CTNNBIP1: variants seen among roughly 807,000 people sequenced by gnomAD.
CTNNBIP1 encodes the protein beta-catenin-interacting protein 1.
In CTNNBIP1, 7 loss-of-function variants were observed where a neutral mutation model predicts 11.8. That is an observed-to-expected ratio of 0.60 (90% confidence interval 0.34 to 1.12). CTNNBIP1 has a LOEUF of 1.12. Ranked by LOEUF, CTNNBIP1 falls within the 50% of genes most tolerant of loss-of-function variation. The pLI, the probability that CTNNBIP1 is intolerant of heterozygous loss-of-function variation, is 0.03. For synonymous variants in CTNNBIP1, 58 were observed against 43.9 expected, an observed-to-expected ratio of 1.32 and a Z score of -1.26; for missense variants, 101 against 113.4, an observed-to-expected ratio of 0.89 and a Z score of 0.50.
chr1:9,899,753 G>A (rs371670389), intron 1 of CTNNBIP1, among the ~76,000 whole-genome samples: 35 of 147,670 alleles, frequency 2.4e-4, no homozygotes, highest in South Asian at 8.5e-4. Flanking sequence ...GCAAGGCTCC[G>A]TCTCAAAAAA....
At chr1:9,905,722 G>A (rs1004939460) in intron 1 of CTNNBIP1, among the ~76,000 whole-genome samples, 5 of 150,562 alleles carry the variant, frequency 3.3e-5, no homozygotes, top group Non-Finnish European at 5.9e-5. Flanking sequence ...GAACCACCGC[G>A]CCCGGCCTCA....
At chr1:9,908,087 T>C (rs1238298988) in intron 1 of CTNNBIP1, among the ~76,000 whole-genome samples, 2 of 152,164 alleles carry the variant, frequency 1.3e-5, no homozygotes, top group African/African-American at 4.8e-5. Context: ...AAGACGGAGT[T>C]TTGCTCTGTT....
In CTNNBIP1 at chr1:9,872,325, C is replaced by T. The variant is rs556471572; in HGVS notation, c.-24-237G>A. ...GGCGCTGCAAGGGCTGGCCTGCCTG[C>T]TGCCTCTGTGCATGAAGCTGCTGCG... On this transcript the variant is annotated intron_variant, in intron 3 of 5. Transcript: ENST00000377263. This position sits in a 1 kb window ranked among gnomAD's most constrained non-coding sequence, Gnocchi z 4.0. Among the ~76,000 whole-genome samples, 1 of 152,358 alleles carries T rather than the reference C, an allele frequency of 6.6e-6. No individual in the cohort carries two copies. The highest frequency in any genetic ancestry group is 1.9e-4 in the East Asian group (1 of 5,176).
intron 1 of CTNNBIP1, among the ~76,000 whole-genome samples, chr1:9,890,527 A>G (rs1312835774): frequency 6.6e-6 from 1 of 152,214 alleles, no homozygotes; most frequent in Non-Finnish European, 1.5e-5. Context: ...TACAAAATCC[A>G]GCCACGGATC....
At chr1:9,876,681 T>C (rs1638974027) in intron 3 of CTNNBIP1, among the ~76,000 whole-genome samples, 1 of 152,008 alleles carries the variant, frequency 6.6e-6, no homozygotes, top group Non-Finnish European at 1.5e-5. Flanking sequence ...AAATGAATGG[T>C]GAAGGGACAG....
intron 1 of CTNNBIP1, among the ~76,000 whole-genome samples, chr1:9,890,329 G>A (rs1487220344): frequency 2.6e-5 from 4 of 152,204 alleles, no homozygotes; most frequent in Non-Finnish European, 5.9e-5. Context: ...AGGCTCTACT[G>A]TTCTAACCAA....
intron 3 of CTNNBIP1, among the ~76,000 whole-genome samples, chr1:9,873,961 A>T (rs532667843): frequency 6.6e-6 from 1 of 151,834 alleles, no homozygotes; most frequent in South Asian, 2.1e-4. Context: ...CTGGTCTCAA[A>T]CTCCTGGGCT....
chr1:9,891,324 A>C (rs186225540), intron 1 of CTNNBIP1, among the ~76,000 whole-genome samples: 6 of 152,214 alleles, frequency 3.9e-5, no homozygotes, highest in Admixed American at 2.0e-4. Context: ...AGATCTTCTC[A>C]ACAGGCACCT....
chr1:9,852,094 G>C (rs1383118493), intron 5 of CTNNBIP1, among the ~76,000 whole-genome samples: 1 of 152,188 alleles, frequency 6.6e-6, no homozygotes, highest in Non-Finnish European at 1.5e-5. Flanking sequence ...CCGAGGGTGG[G>C]CCAGTGTGGG....
chr1:9,864,977 C>T (rs1638713233), intron 5 of CTNNBIP1, among the ~76,000 whole-genome samples: 1 of 152,098 alleles, frequency 6.6e-6, no homozygotes, highest in African/African-American at 2.4e-5. Flanking sequence ...GCCTATAATC[C>T]CAGCACCTTG....
chr1:9,899,613 G>T (rs1049261600), intron 1 of CTNNBIP1, among the ~76,000 whole-genome samples: 1 of 151,472 alleles, frequency 6.6e-6, no homozygotes, highest in African/African-American at 2.4e-5. Context: ...CAAAAAATTA[G>T]CCGGGCATGG....
At chr1:9,885,034 C>G (rs1348227415) in intron 1 of CTNNBIP1, among the ~76,000 whole-genome samples, 1 of 152,120 alleles carries the variant, frequency 6.6e-6, no homozygotes, top group Admixed American at 6.5e-5. Flanking sequence ...AGCAGGACCA[C>G]CTGACTGTTG....
intron 5 of CTNNBIP1, among the ~76,000 whole-genome samples, chr1:9,862,969 T>C (rs1638664329): frequency 2.0e-5 from 3 of 152,204 alleles, no homozygotes; most frequent in Non-Finnish European, 4.4e-5. Flanking sequence ...GGGGGAAGTG[T>C]AGAGTCCCAC....
chr1:9,873,640 C>T (rs1638909107), intron 3 of CTNNBIP1, among the ~76,000 whole-genome samples: 1 of 152,228 alleles, frequency 6.6e-6, no homozygotes. Flanking sequence ...ACCTCTTCCC[C>T]AGTGGCCACC....
At position 9,865,385 on chromosome 1, in the gene CTNNBIP1, G is replaced by A. The variant is rs538540962; in HGVS notation, c.187+5802C>T. Among the ~76,000 whole-genome samples the A allele has an allele frequency of 1.5e-4, 23 of 152,296 alleles. 1 individual carries two copies. The highest frequency in any genetic ancestry group is 5.3e-4 in the African/African-American group (22 of 41,558). ...GGGGGCCGAAGCAGGTGGATCACGA[G>A]GTCAGGAGATTGAGACCATCCTGGC... On this transcript the variant is annotated intron_variant, in intron 5 of 5. Transcript: ENST00000377263.
intron 1 of CTNNBIP1, among the ~76,000 whole-genome samples, chr1:9,898,340 G>A (rs762036822): frequency 3.0e-4 from 45 of 151,714 alleles, no homozygotes; most frequent in Non-Finnish European, 5.3e-4. Context: ...CCTGGCCAAC[G>A]TGGTGAAACC....
intron 1 of CTNNBIP1, among the ~76,000 whole-genome samples, chr1:9,892,604 G>C (rs1221735579): frequency 6.7e-6 from 1 of 149,678 alleles, no homozygotes; most frequent in Non-Finnish European, 1.5e-5. Context: ...AAAAAAAAAA[G>C]AAAAGAAGTT....
At chr1:9,866,308 T>C (rs1027270146) in intron 5 of CTNNBIP1, among the ~76,000 whole-genome samples, 3 of 152,226 alleles carry the variant, frequency 2.0e-5, no homozygotes, top group Admixed American at 6.5e-5. Flanking sequence ...CCATTCACTA[T>C]GGCCCTTTAC....
chr1:9,862,249 T>C (rs796840117), intron 5 of CTNNBIP1, among the ~76,000 whole-genome samples: 6 of 152,344 alleles, frequency 3.9e-5, no homozygotes, highest in African/African-American at 1.4e-4. Flanking sequence ...CTTTTTCTTT[T>C]ATATACACAC....
Sources: allele counts gnomAD v4.1 joint callset (sites outside exome capture counted in the v4.1 genomes callset), GRCh38; gene constraint gnomAD v4.1.1; non-coding constraint Gnocchi (gnomAD v3.1); transcripts MANE v1.5; gene names NCBI Gene and HGNC (gene_info 2026-07-23, HGNC 2026-07-21).